The following STAU2 variants were observed in gnomAD, a reference collection of about 807,000 sequenced individuals.
STAU2 encodes the protein staufen double-stranded RNA binding protein 2.
A neutral mutation model predicts 65.9 loss-of-function variants in STAU2; 20 were observed. That is an observed-to-expected ratio of 0.30 (90% CI 0.21 to 0.44). The LOEUF (loss-of-function observed/expected upper bound fraction) is 0.44. Among genes scored for constraint, STAU2 ranks in the 20% least tolerant of loss-of-function variants. STAU2 has a pLI of 1.00. For synonymous variants in STAU2, 232 were observed against 233.9 expected (o/e 0.99, Z 0.07); for missense variants, 558 against 683.9 (o/e 0.82, Z 2.05).
chr8:73,618,089 A>G (rs1812970996), intron 6 of STAU2, among the ~76,000 whole-genome samples: 1 of 152,242 alleles, frequency 6.6e-6, no homozygotes, highest in South Asian at 2.1e-4. Context: ...AAAAGAAATT[A>G]AGCAGAAAAA....
At chr8:73,724,566 T>A (rs1286182488) in intron 3 of STAU2, among the ~76,000 whole-genome samples, 1 of 152,010 alleles carries the variant, frequency 6.6e-6, no homozygotes, top group East Asian at 1.9e-4. Context: ...ATAGGGTGTA[T>A]TTAGATGATT....
intron 13 of STAU2, among the ~76,000 whole-genome samples, chr8:73,518,235 G>A (rs751594042): frequency 6.6e-5 from 10 of 152,192 alleles, no homozygotes; most frequent in Non-Finnish European, 1.0e-4. Context: ...AAGTCTAATT[G>A]TGCTATAAAA....
At chr8:73,527,974 A>G (rs1400730668) in intron 13 of STAU2, among the ~76,000 whole-genome samples, 1 of 152,132 alleles carries the variant, frequency 6.6e-6, no homozygotes, top group African/African-American at 2.4e-5. Context: ...ATTCCATCTT[A>G]AGTCTTTTTG....
chr8:73,459,424 A>T (rs2128898815), intron 13 of STAU2, among the ~76,000 whole-genome samples: 1 of 152,332 alleles, frequency 6.6e-6, no homozygotes, highest in South Asian at 2.1e-4. Context: ...TCCATATAGA[A>T]ATCAGAAACC....
At chr8:73,548,270 C>T (rs1807076374) in intron 13 of STAU2, among the ~76,000 whole-genome samples, 1 of 148,444 alleles carries the variant, frequency 6.7e-6, no homozygotes, top group East Asian at 2.0e-4. Flanking sequence ...AAAAAAAAAG[C>T]TGCTGCAAAT....
intron 4 of STAU2, among the ~76,000 whole-genome samples, chr8:73,691,027 G>A (rs1819291237): frequency 6.6e-6 from 1 of 152,118 alleles, no homozygotes; most frequent in Admixed American, 6.5e-5. Context: ...CTTGCATATA[G>A]CTCATATGCT....
intron 11 of STAU2, among the ~76,000 whole-genome samples, chr8:73,589,564 A>G (rs532193723): frequency 6.6e-6 from 1 of 152,308 alleles, no homozygotes; most frequent in Non-Finnish European, 1.5e-5. Flanking sequence ...CCTAAACGAA[A>G]AATATTAGAG....
At chr8:73,495,678 T>TATATATATATATATATAC (rs1387768770) in intron 13 of STAU2, among the ~76,000 whole-genome samples, 1 of 147,704 alleles carries the variant, frequency 6.8e-6, no homozygotes, top group African/African-American at 2.5e-5. Flanking sequence ...TATATATATA[T>TATATATATATATATATAC]ATATATATAT....
At chr8:73,515,448 G>A (rs1822651612) in intron 13 of STAU2, among the ~76,000 whole-genome samples, 1 of 152,220 alleles carries the variant, frequency 6.6e-6, no homozygotes, top group Non-Finnish European at 1.5e-5. Flanking sequence ...ACCTTCAGCA[G>A]TTTTGGATTT....
At chr8:73,547,916 AACCAC>A (rs1807048988) in intron 13 of STAU2, among the ~76,000 whole-genome samples, 1 of 152,214 alleles carries the variant, frequency 6.6e-6, no homozygotes, top group South Asian at 2.1e-4. Context: ...ATTGAAAAAA[AACCAC>A]AAAAAAGCAA....
intron 13 of STAU2, among the ~76,000 whole-genome samples, chr8:73,438,128 C>T (rs1817850724): frequency 6.6e-6 from 1 of 152,264 alleles, no homozygotes; most frequent in Admixed American, 6.5e-5. Flanking sequence ...CCCAACAAAT[C>T]ACAGGACTGT....
At chr8:73,626,268 A>G (rs546309350) in intron 6 of STAU2, among the ~76,000 whole-genome samples, 21 of 152,362 alleles carry the variant, frequency 1.4e-4, no homozygotes, top group African/African-American at 5.0e-4. Flanking sequence ...CTCTAAGCAA[A>G]TAAGACAGCA....
intron 10 of STAU2, among the ~76,000 whole-genome samples, chr8:73,599,670 C>T (rs1186784122): frequency 2.0e-5 from 3 of 152,150 alleles, no homozygotes; most frequent in South Asian, 4.1e-4. Flanking sequence ...TGTCCCAGAA[C>T]ATACAGATTC....
rs377384595 is a variant in STAU2 at position 73,451,693 on chromosome 8, C to A, written c.1531-28991G>T. 4.5e-4 allele frequency among the ~76,000 whole-genome samples: 68 copies of A among 152,004 alleles called. 1 individual carries two copies. In the South Asian group the frequency reaches 0.013, roughly 28 times the overall value. On this transcript the variant is annotated intron_variant, in intron 13 of 14. Transcript: ENST00000524300. ...GAGGAAGGTGGGCACTCCTGACAGA[C>A]CTTGCTGGAGGAGAACAAGGGCTGT...
chr8:73,479,472 G>GCACACACACAAACACACACA (rs6150656), intron 13 of STAU2, among the ~76,000 whole-genome samples: 144 of 139,952 alleles, frequency 1.0e-3, no homozygotes, highest in African/African-American at 3.8e-3. Flanking sequence ...TCCCTATTCT[G>GCACACACACAAACACACACA]CACACACACA....
chr8:73,729,767 T>C (rs1805912208), intron 3 of STAU2, among the ~76,000 whole-genome samples: 2 of 152,240 alleles, frequency 1.3e-5, no homozygotes, highest in African/African-American at 4.8e-5. Context: ...GAGTCAGTTT[T>C]AGTAATGCGT....
chr8:73,688,909 T>G, intron 4 of STAU2, 96 bp from the exon 5 acceptor site: 1 of 1,435,948 alleles, frequency 7.0e-7, no homozygotes, highest in East Asian at 2.3e-5. Context: ...AGAATCAGAA[T>G]TTTAGAGCTA....
chr8:73,450,758 CAGG>C (rs1052847611), intron 13 of STAU2, among the ~76,000 whole-genome samples: 11 of 152,144 alleles, frequency 7.2e-5, no homozygotes, highest in African/African-American at 2.7e-4. Context: ...TGTGCAAAAC[CAGG>C]AGAAGGCTGG....
chr8:73,452,734 T>C (rs928631505), intron 13 of STAU2, among the ~76,000 whole-genome samples: 3 of 152,252 alleles, frequency 2.0e-5, no homozygotes, highest in Non-Finnish European at 4.4e-5. Context: ...CATCTTTTAG[T>C]TGGGCATTGC....
Sources: gnomAD v4.1 joint callset for allele counts (sites outside exome capture counted in the v4.1 genomes callset) on GRCh38, gnomAD v4.1.1 for gene constraint, MANE v1.5 for transcripts, NCBI Gene and HGNC (gene_info 2026-07-23, HGNC 2026-07-21) for gene names.